HAUS6: variants seen among roughly 807,000 people sequenced by gnomAD.
The protein encoded by HAUS6 is HAUS augmin-like complex subunit 6.
Under a neutral mutation model 106.8 loss-of-function variants are expected in HAUS6, and 80 were observed. That is an observed-to-expected ratio of 0.75 (90% CI 0.63 to 0.90). The LOEUF is 0.90. Ranked by LOEUF, HAUS6 falls within the 40% of genes least tolerant of loss-of-function variation. The pLI is 0.00. For synonymous variants in HAUS6, 356 were observed against 379.1 expected, an observed-to-expected ratio of 0.94 and a Z score of 0.71; for missense variants, 1,155 against 1,118.1, an observed-to-expected ratio of 1.03 and a Z score of -0.47.
At chr9:19,077,572 A>G (rs992725908) in intron 10 of HAUS6, among the ~76,000 whole-genome samples, 9 of 152,086 alleles carry the variant, frequency 5.9e-5, no homozygotes, top group African/African-American at 1.9e-4. Flanking sequence ...TTTTCATACA[A>G]TCCTTCGAAT....
chr9:19,090,467 C>G (rs913241028), intron 4 of HAUS6, among the ~76,000 whole-genome samples: 4 of 152,130 alleles, frequency 2.6e-5, no homozygotes, highest in African/African-American at 9.7e-5. Flanking sequence ...AGGGTTCACG[C>G]CATTCTCCTG....
intron 11 of HAUS6, among the ~76,000 whole-genome samples, chr9:19,072,038 A>G (rs2131117854): frequency 6.7e-6 from 1 of 149,722 alleles, no homozygotes; most frequent in Admixed American, 6.6e-5. Flanking sequence ...AAAAATACAA[A>G]AATCAGCTGG....
rs1158259226 is a variant in HAUS6, at chr9:19,102,894, C to G, written c.-243G>C. The stretch of plus-strand genomic sequence containing the variant: ...GCGAAGCCACCACAAACCGAGACTC[C>G]CGCCCTTAAGGAAGAGCAGTGTGCG... On this transcript the variant is annotated 5_prime_UTR_variant, in exon 1 of 17. Coordinates refer to ENST00000380502, the MANE Select transcript of HAUS6 (RefSeq NM_017645.5). 2.6e-6 allele frequency: 1 copy of G among 380,918 alleles called. No homozygotes were observed. The highest frequency in any genetic ancestry group is 4.5e-5 in the South Asian group (1 of 22,356). The allele number at this position is 380,918 out of a possible 1,614,324, so 23.6% of individuals were successfully genotyped here.
chr9:19,094,785 GA>G (rs533884435), intron 2 of HAUS6, among the ~76,000 whole-genome samples: 4 of 149,356 alleles, frequency 2.7e-5, no homozygotes, highest in Admixed American at 1.3e-4. Context: ...TGTCTCAAAA[GA>G]AAAAAAAACC....
At chr9:19,072,872 A>T (rs1462146630) in intron 11 of HAUS6, among the ~76,000 whole-genome samples, 1 of 152,222 alleles carries the variant, frequency 6.6e-6, no homozygotes, top group Non-Finnish European at 1.5e-5. Flanking sequence ...GACAGGCATT[A>T]TTCTAGAATA....
At chr9:19,065,982 C>T (rs1208322240) in intron 12 of HAUS6, among the ~76,000 whole-genome samples, 2 of 148,458 alleles carry the variant, frequency 1.3e-5, no homozygotes, top group South Asian at 2.2e-4. Context: ...GTCGCCCACA[C>T]TGGAGTGCAG....
intron 14 of HAUS6, among the ~76,000 whole-genome samples, chr9:19,062,076 A>G (rs1011574418): frequency 1.3e-5 from 2 of 152,248 alleles, no homozygotes; most frequent in African/African-American, 2.4e-5. Context: ...TTAGCAAATA[A>G]CTTCAGAATT....
intron 15 of HAUS6, among the ~76,000 whole-genome samples, chr9:19,059,794 G>A (rs534880755): frequency 1.4e-4 from 21 of 152,178 alleles, no homozygotes; most frequent in African/African-American, 5.1e-4. Context: ...CAGGAGGCAA[G>A]AGATTTTTTT....
At chr9:19,075,573 G>C (rs1836979158) in intron 11 of HAUS6, among the ~76,000 whole-genome samples, 1 of 152,082 alleles carries the variant, frequency 6.6e-6, no homozygotes, top group African/African-American at 2.4e-5. Flanking sequence ...AACAGTGCAA[G>C]TGAAAGAAGC....
rs200395318 is a variant in HAUS6 at position 19,094,434 on chromosome 9, C to T, written c.225-39G>A. The T allele has an allele frequency of 1.6e-4, 179 of 1,105,742 alleles. No homozygotes were observed. The African/African-American group carries it at 2.6e-3, about 16-fold the overall frequency. The allele number at this position is 1,105,742 out of a possible 1,614,324, so 68.5% of individuals were successfully genotyped here. On this transcript the variant is annotated intron_variant, in intron 2 of 16. Coordinates refer to ENST00000380502, the MANE Select transcript of HAUS6 (RefSeq NM_017645.5). ...ATAAAAGCGTAAGGACTATGCACAACAATAGCCAAAAAAAAAAGCCTCAGC... is the reference window on the plus strand; with the variant it reads ...ATAAAAGCGTAAGGACTATGCACAATAATAGCCAAAAAAAAAAGCCTCAGC...
At chr9:19,071,749 G>GT (rs1190626482) in intron 11 of HAUS6, among the ~76,000 whole-genome samples, 3 of 151,636 alleles carry the variant, frequency 2.0e-5, no homozygotes, top group South Asian at 2.1e-4. Context: ...AATTTTTTGT[G>GT]TTTTTTTATA....
intron 7 of HAUS6, among the ~76,000 whole-genome samples, chr9:19,084,280 T>C (rs911298501): frequency 1.3e-5 from 2 of 152,212 alleles, no homozygotes; most frequent in African/African-American, 4.8e-5. Context: ...ATATTCTATA[T>C]ACTGGCATTT....
rs185819380 is a variant in HAUS6, at chr9:19,076,669, C to T, written c.1227G>A (p.Ser409=). ...ACACTTCTTCTGAGGCAGGATCAAA[C>T]GAAAGGGGAGACATTGGTGGTAAAA... ...VDLLPPMSPL[S]FDPASEEVYA... is the part of the protein sequence containing the mutation. Residue 409 remains serine (S), a synonymous_variant, in exon 11 of 17, where the codon TCG becomes TCA. Transcript: ENST00000380502. The T allele has an allele frequency of 1.6e-4, 251 of 1,585,272 alleles. 1 individual carries two copies. In the East Asian group the frequency reaches 4.7e-3, roughly 29 times the overall value.
chr9:19,099,871 G>C (rs1817950285), intron 1 of HAUS6, among the ~76,000 whole-genome samples: 1 of 152,084 alleles, frequency 6.6e-6, no homozygotes, highest in Non-Finnish European at 1.5e-5. Context: ...ACAACACAGT[G>C]AGAACCCATC....
In HAUS6 at chr9:19,078,180, G is replaced by C. The variant is rs1015145934; in HGVS notation, c.1187C>G (p.Thr396Ser). The C allele has an allele frequency of 6.2e-7, 1 of 1,605,492 alleles. No homozygotes were observed. The highest frequency in any genetic ancestry group is 8.5e-7 in the Non-Finnish European group (1 of 1,176,044). ...GGGCAAGTCAACATTACTTACTGGAGTCCAACCTTTAATTAGACTGAAAGG... is the reference window on the plus strand; with the variant it reads ...GGGCAAGTCAACATTACTTACTGGACTCCAACCTTTAATTAGACTGAAAGG... Reference protein sequence around the residue: ...LSPFSLIKGWTPSVDLLPPMS... With the variant: ...LSPFSLIKGWSPSVDLLPPMS... Residue 396 changes from threonine (T) to serine (S), a missense_variant, in exon 10 of 17, where the codon ACT becomes AGT. Around this residue, in one of 3 missense-constraint regions of HAUS6, gnomAD observed 761 missense variants for 690.0 expected, o/e 1.10. Coordinates refer to ENST00000380502, the MANE Select transcript of HAUS6 (RefSeq NM_017645.5).
At chr9:19,078,102 G>C in intron 10 of HAUS6, 74 bp downstream of exon 10, 3 of 1,202,556 alleles carry the variant, frequency 2.5e-6, no homozygotes, top group Non-Finnish European at 3.6e-6. Context: ...CTGGGCAACA[G>C]AGCAAGACAC....
chr9:19,092,378 G>A (rs370276966), intron 4 of HAUS6, among the ~76,000 whole-genome samples: 2 of 151,850 alleles, frequency 1.3e-5, no homozygotes, highest in Non-Finnish European at 2.9e-5. Flanking sequence ...CACTTTGGGA[G>A]GCCGAGGCAG....
At chr9:19,069,167 T>C (rs1836831548) in intron 12 of HAUS6, among the ~76,000 whole-genome samples, 1 of 152,208 alleles carries the variant, frequency 6.6e-6, no homozygotes, top group South Asian at 2.1e-4. Flanking sequence ...GAAAACTATC[T>C]GGACAAGATG....
At position 19,058,216 on chromosome 9, in the gene HAUS6, A is replaced by G. The variant is rs1308655567; in HGVS notation, c.2551T>C (p.Ser851Pro). The G allele has an allele frequency of 6.2e-7, 1 of 1,613,906 alleles. No homozygotes were observed. The highest frequency in any genetic ancestry group is 1.7e-5 in the Admixed American group (1 of 60,000). The change falls in exon 16 of 17, where the codon TCT (serine) becomes CCT (proline). Residue 851 changes from serine (S) to proline (P), a missense_variant. Ser to Pro is a moderately conservative substitution (Grantham distance 74, BLOSUM62 -1). Transcript: ENST00000380502. ...KKSLSKKREE[S>P]YLSNSQTPER... The stretch of plus-strand genomic sequence containing the variant: ...GGTGTTTGGGAATTCGAGAGGTAAG[A>G]TTCTTCCCTTTTCTTGGAAAGAGAT...
Sources: allele counts gnomAD v4.1 joint callset (sites outside exome capture counted in the v4.1 genomes callset), GRCh38; gene constraint gnomAD v4.1.1; regional missense constraint gnomAD v4.1.1; transcripts MANE v1.5; gene names NCBI Gene and HGNC (gene_info 2026-07-23, HGNC 2026-07-21).